Variants in EFCAB6 observed in about 807,000 individuals in gnomAD.
EFCAB6 encodes EF-hand calcium binding domain 6.
EFCAB6 carries 156 observed loss-of-function variants against 169.8 expected under a neutral mutation model. That is an observed-to-expected ratio of 0.92 (90% CI 0.81 to 1.05). The LOEUF (loss-of-function observed/expected upper bound fraction) is 1.05. Among genes scored for constraint, EFCAB6 ranks in the 50% least tolerant of loss-of-function variants. The pLI is 0.00. For missense variants in EFCAB6, 1,800 were observed against 1,829.1 expected (o/e 0.98, Z 0.29); for synonymous variants, 698 against 676.4 (o/e 1.03, Z -0.50).
intron 20 of EFCAB6, among the ~76,000 whole-genome samples, chr22:43,623,666 T>C (rs895284895): frequency 4.2e-5 from 6 of 142,226 alleles, no homozygotes; most frequent in Admixed American, 7.4e-5. Context: ...GAGGCCAAGG[T>C]GGGCGTATCA....
chr22:43,717,060 T>TA (rs2059356164), intron 8 of EFCAB6, 88 bp from the exon 9 acceptor site: 1 of 1,373,380 alleles, frequency 7.3e-7, no homozygotes, highest in Non-Finnish European at 9.5e-7. Flanking sequence ...ACTTGTTTGG[T>TA]AAAAAAGGAA....
chr22:43,788,673 T>C (rs1243013330), intron 2 of EFCAB6, among the ~76,000 whole-genome samples: 2 of 152,222 alleles, frequency 1.3e-5, no homozygotes, highest in Non-Finnish European at 2.9e-5. Flanking sequence ...AATTTGAGAA[T>C]TTCTCAAAAA....
At chr22:43,757,405 G>A (rs2060994861) in intron 5 of EFCAB6, among the ~76,000 whole-genome samples, 1 of 151,986 alleles carries the variant, frequency 6.6e-6, no homozygotes. Flanking sequence ...GAATTAGCCG[G>A]GCGTGGTAGG....
chr22:43,615,365 C>T (rs1336667367), intron 21 of EFCAB6, among the ~76,000 whole-genome samples: 3 of 152,144 alleles, frequency 2.0e-5, no homozygotes, highest in Admixed American at 2.0e-4. Context: ...GGAGGGTATC[C>T]ACCCTGTAAA....
chr22:43,595,164 A>G (rs1486618877), intron 23 of EFCAB6, among the ~76,000 whole-genome samples: 2 of 152,042 alleles, frequency 1.3e-5, no homozygotes, highest in Non-Finnish European at 2.9e-5. Context: ...AAATGCCTAC[A>G]TTAAAAAAAA....
chr22:43,600,024 A>G, intron 23 of EFCAB6, 45 bp downstream of exon 23: 1 of 1,575,102 alleles, frequency 6.3e-7, no homozygotes, highest in Non-Finnish European at 8.6e-7. Context: ...GCCAGATGTA[A>G]AAGGGGACTT....
intron 17 of EFCAB6, among the ~76,000 whole-genome samples, chr22:43,645,387 T>G (rs547032906): frequency 1.3e-5 from 2 of 152,258 alleles, no homozygotes; most frequent in Non-Finnish European, 2.9e-5. Flanking sequence ...TACTTTTCCA[T>G]GCAGATTTGT....
intron 10 of EFCAB6, among the ~76,000 whole-genome samples, chr22:43,707,963 T>TA (rs1208184274): frequency 6.6e-6 from 1 of 151,502 alleles, no homozygotes; most frequent in Non-Finnish European, 1.5e-5. Context: ...ACAGTAGAAA[T>TA]ACTGATTTTT....
At chr22:43,758,127 T>C (rs2061024301) in intron 5 of EFCAB6, among the ~76,000 whole-genome samples, 1 of 150,948 alleles carries the variant, frequency 6.6e-6, no homozygotes, top group Non-Finnish European at 1.5e-5. Flanking sequence ...ATAATTTTTC[T>C]ATCCTTTTTC....
In EFCAB6 at chr22:43,687,433, T is replaced by C. The variant is rs1423532026; in HGVS notation, c.1142+38A>G. On this transcript the variant is annotated intron_variant, in intron 11 of 31. Transcript: ENST00000262726. ...CTGATATTTTACATATTATGATATG[T>C]GTAACTAAAATTTGTTTTTTTTTTT... The C allele has an allele frequency of 2.5e-6, 3 of 1,215,548 alleles. No homozygotes were observed. The African/African-American group carries it at 4.8e-5, about 20-fold the overall frequency. The allele number at this position is 1,215,548 out of a possible 1,614,324, so 75.3% of individuals were successfully genotyped here. A position where few individuals can be genotyped will look rare whatever the true frequency, so the allele number is the denominator to read the frequency against.
intron 6 of EFCAB6, among the ~76,000 whole-genome samples, chr22:43,752,509 C>A (rs1001942252): frequency 3.9e-5 from 6 of 152,196 alleles, no homozygotes; most frequent in African/African-American, 1.2e-4. Context: ...TAGGAGGGAG[C>A]CCAGTGGCCA....
rs535715042 is a variant in EFCAB6 at position 43,656,259 on chromosome 22, G to A, written c.1983+10845C>T. On this transcript the variant is annotated intron_variant, in intron 17 of 31. Coordinates refer to ENST00000262726, the MANE Select transcript of EFCAB6 (RefSeq NM_022785.4). Reference sequence around the variant, plus strand: ...TACAAAATTAGCCAGGTGTGGTGGTGTATGCCTGTAATCCCAGCTACTCGG... The same window carrying A: ...TACAAAATTAGCCAGGTGTGGTGGTATATGCCTGTAATCCCAGCTACTCGG... Among the ~76,000 whole-genome samples the A allele has an allele frequency of 2.0e-5, 3 of 152,148 alleles. No individual in the cohort carries two copies. The East Asian group carries it at 5.8e-4, about 29-fold the overall frequency.
intron 17 of EFCAB6, among the ~76,000 whole-genome samples, chr22:43,656,903 T>A (rs1284116906): frequency 6.6e-6 from 1 of 152,226 alleles, no homozygotes; most frequent in Non-Finnish European, 1.5e-5. Flanking sequence ...TCAGAATGTG[T>A]CCCTGTCATT....
chr22:43,677,862 CT>C, intron 13 of EFCAB6, 133 bp downstream of exon 13: 4 of 910,778 alleles, frequency 4.4e-6, no homozygotes, highest in Non-Finnish European at 6.4e-6. Flanking sequence ...TTGACCCTCA[CT>C]TAAAATGATT....
intron 27 of EFCAB6, among the ~76,000 whole-genome samples, chr22:43,541,654 T>G (rs2047733921): frequency 6.6e-6 from 1 of 152,168 alleles, no homozygotes. Context: ...GTCTCAGACC[T>G]CACCGGCACC....
chr22:43,573,787 C>T (rs959712838), intron 26 of EFCAB6, among the ~76,000 whole-genome samples: 1 of 144,368 alleles, frequency 6.9e-6, no homozygotes, highest in African/African-American at 2.5e-5. Flanking sequence ...AGTATTAATA[C>T]TAGTTGTCCC....
chr22:43,747,444 C>T lies in EFCAB6; in HGVS notation c.507+8322G>A, dbSNP rs565759482. Among the ~76,000 whole-genome samples the T allele has an allele frequency of 1.1e-4, 16 of 152,298 alleles. No individual in the cohort carries two copies. The South Asian group carries it at 3.3e-3, about 32-fold the overall frequency. On this transcript the variant is annotated intron_variant, in intron 6 of 31. Transcript: ENST00000262726. Reference sequence around the variant, plus strand: ...CAAATCTGCAGGACCTAGTGGTTAACTGTATGTAGAGGGTGAGGGAAAGGA... The same window carrying T: ...CAAATCTGCAGGACCTAGTGGTTAATTGTATGTAGAGGGTGAGGGAAAGGA...
chr22:43,631,961 A>T, intron 19 of EFCAB6, 144 bp downstream of exon 19: 1 of 1,240,998 alleles, frequency 8.1e-7, no homozygotes, highest in Non-Finnish European at 1.1e-6. Flanking sequence ...CTCCCTGACC[A>T]ATGCTGGGTC....
At chr22:43,771,748 C>A (rs560537951) in intron 4 of EFCAB6, among the ~76,000 whole-genome samples, 7 of 152,286 alleles carry the variant, frequency 4.6e-5, no homozygotes, top group Admixed American at 2.0e-4. Flanking sequence ...CATCCCTCCC[C>A]ATGTAACTGC....
Sources: gnomAD v4.1 joint callset for allele counts (sites outside exome capture counted in the v4.1 genomes callset) on GRCh38, gnomAD v4.1.1 for gene constraint, MANE v1.5 for transcripts, NCBI Gene and HGNC (gene_info 2026-07-23, HGNC 2026-07-21) for gene names.